Variants in CDH19 observed in about 807,000 individuals in gnomAD.
CDH19 encodes the protein cadherin 19, also known as cadherin-19.
A neutral mutation model predicts 64.2 loss-of-function variants in CDH19; 67 were observed. That is an observed-to-expected ratio of 1.04 (90% CI 0.86 to 1.28). The LOEUF is 1.28. Among genes scored for constraint, CDH19 ranks in the 50% most tolerant of loss-of-function variants. The pLI is 0.00. For missense variants in CDH19, 1,030 were observed against 929.0 expected (o/e 1.11, Z -1.41); for synonymous variants, 346 against 319.3 (o/e 1.08, Z -0.89).
chr18:66,548,880 A>G (rs1437873672), intron 5 of CDH19, among the ~76,000 whole-genome samples: 1 of 152,204 alleles, frequency 6.6e-6, no homozygotes, highest in African/African-American at 2.4e-5. Context: ...GATGTGAGAA[A>G]AAACAATAAT....
intron 1 of CDH19, among the ~76,000 whole-genome samples, chr18:66,598,500 T>C (rs890890961): frequency 2.0e-5 from 3 of 152,224 alleles, no homozygotes; most frequent in African/African-American, 4.8e-5. Flanking sequence ...TGGAATACTA[T>C]ACAGCCATAA....
At chr18:66,584,373 A>G (rs908903864) in intron 1 of CDH19, among the ~76,000 whole-genome samples, 24 of 152,106 alleles carry the variant, frequency 1.6e-4, no homozygotes, top group African/African-American at 4.8e-5. Context: ...GGAAAAAGAT[A>G]CACTTACACT....
intron 5 of CDH19, 30 bp from the exon 6 acceptor site, chr18:66,544,933 A>G (rs1423400595): frequency 6.8e-7 from 1 of 1,465,372 alleles, no homozygotes; most frequent in East Asian, 2.3e-5. Context: ...GGTATTTTGG[A>G]TAAATACTTA....
At chr18:66,581,340 G>A (rs755619492) in intron 1 of CDH19, among the ~76,000 whole-genome samples, 12 of 152,024 alleles carry the variant, frequency 7.9e-5, no homozygotes, top group Non-Finnish European at 1.6e-4. Context: ...GTAAAATTGC[G>A]AGTATGTTTG....
At chr18:66,585,864 A>C (rs1353783735) in intron 1 of CDH19, among the ~76,000 whole-genome samples, 1 of 152,120 alleles carries the variant, frequency 6.6e-6, no homozygotes, top group Non-Finnish European at 1.5e-5. Context: ...ATCATGCTTG[A>C]AGCAATACAT....
At chr18:66,573,338 A>T (rs901639028) in intron 1 of CDH19, among the ~76,000 whole-genome samples, 1 of 151,634 alleles carries the variant, frequency 6.6e-6, no homozygotes, top group Non-Finnish European at 1.5e-5. Context: ...ATGACTCCTT[A>T]GAGATTTTTT....
chr18:66,537,560 G>A (rs1313510716), intron 7 of CDH19, among the ~76,000 whole-genome samples: 3 of 151,914 alleles, frequency 2.0e-5, no homozygotes, highest in African/African-American at 7.2e-5. Context: ...AGGATCTCAG[G>A]AAACTATTTT....
intron 11 of CDH19, among the ~76,000 whole-genome samples, chr18:66,508,751 C>T (rs890327662): frequency 1.0e-4 from 2 of 19,924 alleles, no homozygotes; most frequent in Non-Finnish European, 2.3e-4. Context: ...CAGATGTGTA[C>T]ATACATACTC....
At chr18:66,598,946 T>G (rs868446258) in intron 1 of CDH19, among the ~76,000 whole-genome samples, 2 of 152,128 alleles carry the variant, frequency 1.3e-5, no homozygotes, top group Non-Finnish European at 1.5e-5. Flanking sequence ...ATTATTTTGA[T>G]ACAAAATATT....
chr18:66,590,940 T>C (rs1350577591), intron 1 of CDH19, among the ~76,000 whole-genome samples: 3 of 151,930 alleles, frequency 2.0e-5, no homozygotes, highest in Admixed American at 2.0e-4. Flanking sequence ...TCATTTTCCC[T>C]TTCTTCCTCA....
intron 3 of CDH19, among the ~76,000 whole-genome samples, chr18:66,568,037 T>G (rs1987971663): frequency 6.6e-6 from 1 of 151,916 alleles, no homozygotes; most frequent in African/African-American, 2.4e-5. Context: ...TCACTTTTCC[T>G]ATTTTTATGC....
intron 4 of CDH19, among the ~76,000 whole-genome samples, chr18:66,552,888 C>T (rs1323694011): frequency 7.5e-6 from 1 of 133,508 alleles, no homozygotes; most frequent in Non-Finnish European, 1.5e-5. Flanking sequence ...CTTCTCTCTT[C>T]TGCATTTCTC....
chr18:66,586,169 T>C (rs943326071), intron 1 of CDH19, among the ~76,000 whole-genome samples: 2 of 152,000 alleles, frequency 1.3e-5, no homozygotes, highest in African/African-American at 4.8e-5. Flanking sequence ...GAAAAACAGA[T>C]GGCAATTAAT....
intron 9 of CDH19, among the ~76,000 whole-genome samples, chr18:66,516,561 T>C (rs1985747965): frequency 6.6e-6 from 1 of 152,028 alleles, no homozygotes; most frequent in South Asian, 2.1e-4. Flanking sequence ...TAATGTTTTT[T>C]CACCATTTTC....
At chr18:66,537,234 G>A (rs80136873) in intron 7 of CDH19, among the ~76,000 whole-genome samples, 178 of 151,144 alleles carry the variant, frequency 1.2e-3, no homozygotes, top group Non-Finnish European at 1.7e-3. Context: ...ATTTTCCTGC[G>A]TCCTTAGTCT....
intron 1 of CDH19, among the ~76,000 whole-genome samples, chr18:66,579,705 C>T (rs547260482): frequency 1.2e-3 from 177 of 152,020 alleles, no homozygotes; most frequent in African/African-American, 4.1e-3. Context: ...TGGGTCATGA[C>T]TTTACAAAAC....
At chr18:66,603,741 G>T (rs920954959) in intron 1 of CDH19, among the ~76,000 whole-genome samples, 2 of 151,952 alleles carry the variant, frequency 1.3e-5, no homozygotes, top group Non-Finnish European at 2.9e-5. Flanking sequence ...ATGGAGAACT[G>T]TTCTCACAAA....
At chr18:66,519,986 C>T (rs1985909072) in intron 9 of CDH19, among the ~76,000 whole-genome samples, 1 of 152,008 alleles carries the variant, frequency 6.6e-6, no homozygotes, top group Non-Finnish European at 1.5e-5. Flanking sequence ...GAGATGGAGA[C>T]CATCCTGGCT....
In CDH19 at chr18:66,568,554, G is replaced by T. The variant is rs139392316; in HGVS notation, c.352C>A (p.Gln118Lys). The T allele has an allele frequency of 1.0e-4, 166 of 1,612,226 alleles. No individual in the cohort carries two copies. The highest frequency in any genetic ancestry group is 1.3e-4 in the Non-Finnish European group (149 of 1,178,926). Residue 118 changes from glutamine (Q) to lysine (K), a missense_variant, in exon 3 of 12, where the codon CAG (glutamine) becomes AAG (lysine). Gln to Lys is a moderately conservative substitution (Grantham distance 53). Coordinates refer to ENST00000262150, the MANE Select transcript of CDH19 (RefSeq NM_021153.4). Reference protein sequence around the residue: ...EERSLYILRAQVIDIATGRAV... With the variant: ...EERSLYILRAKVIDIATGRAV... ...CTTCCAGTAGCGATGTCTATTACCTGGGCTCTTAAGATGTAGAGGGATCGC... is the reference window on the plus strand; with the variant it reads ...CTTCCAGTAGCGATGTCTATTACCTTGGCTCTTAAGATGTAGAGGGATCGC...
Sources: gnomAD v4.1 joint callset for allele counts (sites outside exome capture counted in the v4.1 genomes callset) on GRCh38, gnomAD v4.1.1 for gene constraint, MANE v1.5 for transcripts, NCBI Gene and HGNC (gene_info 2026-07-23, HGNC 2026-07-21) for gene names.